The following NOL4 variants were observed in gnomAD, a reference collection of about 807,000 sequenced individuals.
NOL4 encodes the protein nucleolar protein 4, also known as cancer/testis antigen 125.
A neutral mutation model predicts 75.9 loss-of-function variants in NOL4; 17 were observed. That is an observed-to-expected ratio of 0.22 (90% CI 0.15 to 0.34). The LOEUF (loss-of-function observed/expected upper bound fraction) is 0.34, where lower values mean the gene tolerates loss of function less well. Among genes scored for constraint, NOL4 ranks in the 10% least tolerant of loss-of-function variants. NOL4 has a pLI of 1.00. For missense variants in NOL4, 614 were observed against 793.5 expected, an observed-to-expected ratio of 0.77 and a Z score of 2.72; for synonymous variants, 292 against 289.9, an observed-to-expected ratio of 1.01 and a Z score of -0.07.
intron 10 of NOL4, among the ~76,000 whole-genome samples, chr18:33,857,129 T>C (rs1378613272): frequency 1.3e-5 from 2 of 152,062 alleles, no homozygotes; most frequent in East Asian, 3.9e-4. Flanking sequence ...TTACCTTTTA[T>C]TAGGTCAATA....
intron 1 of NOL4, among the ~76,000 whole-genome samples, chr18:34,159,417 C>T (rs1277658051): frequency 6.6e-6 from 1 of 152,164 alleles, no homozygotes; most frequent in Non-Finnish European, 1.5e-5. Context: ...CGAGCATGAG[C>T]TTGGGTCTCT....
intron 1 of NOL4, among the ~76,000 whole-genome samples, chr18:34,218,066 T>C (rs774953761): frequency 6.7e-4 from 101 of 149,750 alleles, no homozygotes; most frequent in South Asian, 6.3e-4. Context: ...ACCTAAAACA[T>C]AGTAGATTCA....
intron 1 of NOL4, among the ~76,000 whole-genome samples, chr18:34,137,746 G>A (rs531817665): frequency 6.7e-6 from 1 of 148,376 alleles, no homozygotes; most frequent in South Asian, 2.1e-4. Flanking sequence ...CTTACCAGAC[G>A]ACTTGGTAAG....
In NOL4 at chr18:33,925,947, T is replaced by C. The variant is rs534997978; in HGVS notation, c.1542+17118A>G. Among the ~76,000 whole-genome samples, 538 of 152,274 alleles carry C rather than the reference T, an allele frequency of 3.5e-3. 3 individuals carry two copies. Among genetic ancestry groups the C allele is most frequent in the African/African-American group, 0.013 (520 of 41,566 alleles). ...TATAACTTTTTTAATGAGTCTAATA[T>C]GTCGTGTAATAAATAATTTTATAAT... On this transcript the variant is annotated intron_variant, in intron 9 of 10. Transcript: ENST00000261592.
intron 2 of NOL4, among the ~76,000 whole-genome samples, chr18:34,120,622 A>G (rs2080095469): frequency 1.3e-5 from 2 of 152,202 alleles, no homozygotes; most frequent in South Asian, 4.1e-4. Context: ...TCAGTTTTTC[A>G]GACGGATAAA....
chr18:33,902,792 A>G (rs1475717936), intron 9 of NOL4, among the ~76,000 whole-genome samples: 1 of 152,186 alleles, frequency 6.6e-6, no homozygotes, highest in Admixed American at 6.6e-5. Context: ...CCTAAAAAAC[A>G]AAGTTTTTAC....
At chr18:33,990,913 C>A (rs2072867895) in intron 6 of NOL4, among the ~76,000 whole-genome samples, 1 of 152,018 alleles carries the variant, frequency 6.6e-6, no homozygotes, top group Admixed American at 6.6e-5. Context: ...ATCTTGTTAT[C>A]ATAATGAATG....
intron 6 of NOL4, among the ~76,000 whole-genome samples, chr18:33,994,073 T>C (rs2073107145): frequency 6.6e-6 from 1 of 151,692 alleles, no homozygotes; most frequent in Non-Finnish European, 1.5e-5. Context: ...CATCTTACAA[T>C]GACAAAATCT....
intron 9 of NOL4, among the ~76,000 whole-genome samples, chr18:33,938,396 C>T (rs1450757533): frequency 6.6e-6 from 1 of 152,046 alleles, no homozygotes; most frequent in African/African-American, 2.4e-5. Flanking sequence ...TTTTTCCCAC[C>T]AACCGTGTAA....
chr18:34,189,284 C>T (rs968669922), intron 1 of NOL4, among the ~76,000 whole-genome samples: 1 of 152,132 alleles, frequency 6.6e-6, no homozygotes, highest in African/African-American at 2.4e-5. Context: ...AGAAACTCTT[C>T]CAGTCCAGCA....
chr18:34,136,488 TA>T (rs1202069738), intron 1 of NOL4, among the ~76,000 whole-genome samples: 1 of 152,142 alleles, frequency 6.6e-6, no homozygotes, highest in Non-Finnish European at 1.5e-5. Flanking sequence ...TTAGAACTAA[TA>T]AATGAGTTCC....
chr18:34,107,822 T>C (rs2079381319), intron 2 of NOL4, among the ~76,000 whole-genome samples: 2 of 152,086 alleles, frequency 1.3e-5, no homozygotes, highest in Admixed American at 1.3e-4. Flanking sequence ...AAACATGAAC[T>C]TGAATAACCA....
intron 6 of NOL4, among the ~76,000 whole-genome samples, chr18:33,965,591 T>C (rs2070518351): frequency 6.6e-6 from 1 of 152,154 alleles, no homozygotes; most frequent in Non-Finnish European, 1.5e-5. Flanking sequence ...AGTTTAACCA[T>C]GGGGGAGGTT....
At chr18:33,990,441 T>G (rs192806887) in intron 6 of NOL4, among the ~76,000 whole-genome samples, 3 of 152,100 alleles carry the variant, frequency 2.0e-5, no homozygotes, top group Non-Finnish European at 2.9e-5. Flanking sequence ...GAACAGAACA[T>G]GCTTCCTGTT....
intron 5 of NOL4, among the ~76,000 whole-genome samples, chr18:34,050,964 G>A (rs2076601589): frequency 6.6e-6 from 1 of 151,998 alleles, no homozygotes; most frequent in Non-Finnish European, 1.5e-5. Context: ...GCTAGACACT[G>A]AACACAGACT....
intron 1 of NOL4, among the ~76,000 whole-genome samples, chr18:34,149,396 A>G (rs1198396718): frequency 2.6e-5 from 4 of 151,516 alleles, no homozygotes. Context: ...TTATTTTGGG[A>G]AAATTCTGGG....
chr18:33,854,538 T>C (rs2062756341), intron 10 of NOL4, among the ~76,000 whole-genome samples: 1 of 152,074 alleles, frequency 6.6e-6, no homozygotes, highest in African/African-American at 2.4e-5. Context: ...AGGCAAATCA[T>C]TAACATCATT....
rs868556435 is a variant in NOL4, at chr18:34,168,507, C to T, written c.265-38487G>A. On this transcript the variant is annotated intron_variant, in intron 1 of 10. Transcript: ENST00000261592. ...GAAAAGAAAGTAGGGGGAAGAAAAA[C>T]GAAAAAAACTAGTAAATTGGAAGAT... 1.6e-4 allele frequency among the ~76,000 whole-genome samples: 23 copies of T among 146,792 alleles called. 1 individual carries two copies. The highest frequency in any genetic ancestry group is 4.8e-4 in the African/African-American group (19 of 39,828).
intron 9 of NOL4, among the ~76,000 whole-genome samples, chr18:33,935,652 G>T (rs1357706705): frequency 6.6e-6 from 1 of 152,076 alleles, no homozygotes; most frequent in Non-Finnish European, 1.5e-5. Flanking sequence ...GTGACCACAT[G>T]CTGTTGGAAA....
Sources: gnomAD v4.1 joint callset for allele counts (sites outside exome capture counted in the v4.1 genomes callset) on GRCh38, gnomAD v4.1.1 for gene constraint, MANE v1.5 for transcripts, NCBI Gene and HGNC (gene_info 2026-07-23, HGNC 2026-07-21) for gene names.